BRWD1: variants seen among roughly 807,000 people sequenced by gnomAD.
BRWD1 encodes bromodomain and WD repeat domain containing 1, also known as bromodomain and WD repeat-containing protein 1.
Under a neutral mutation model 251.2 loss-of-function variants are expected in BRWD1, and 82 were observed. The ratio of observed to expected loss-of-function variants is 0.33; its 90% CI spans 0.27 to 0.39. The LOEUF (loss-of-function observed/expected upper bound fraction) is 0.39. BRWD1 is among the 10% of genes least tolerant of loss of function. The pLI is 1.00. For missense variants in BRWD1, 2,233 were observed against 2,711.6 expected (o/e 0.82, Z 3.92); for synonymous variants, 918 against 902.8 (o/e 1.02, Z -0.30).
chr21:39,288,599 G>GT (rs1483624514), intron 8 of BRWD1, among the ~76,000 whole-genome samples: 1 of 152,162 alleles, frequency 6.6e-6, no homozygotes, highest in Non-Finnish European at 1.5e-5. Flanking sequence ...AAATCCACAC[G>GT]TAACTTCTGA....
At position 39,196,815 on chromosome 21, in the gene BRWD1, AAAT is replaced by A. The variant is rs1486008236; in HGVS notation, c.6251_6253del (p.Asn2084_Phe2085delinsIle). 1.2e-6 allele frequency: 2 copies of A among 1,613,458 alleles called. No individual in the cohort carries two copies. The highest frequency in any genetic ancestry group is 4.5e-5 in the East Asian group (2 of 44,876). On this transcript the variant is annotated inframe_deletion, in exon 41 of 41. Transcript: ENST00000342449. ...CAGCCCATAATTCAGTTCCACTTCA[AAAT>A]TATTCTCTGCAGTAGCTTTTTGTGC...
At chr21:39,310,394 T>G (rs2036440493) in intron 4 of BRWD1, among the ~76,000 whole-genome samples, 1 of 150,018 alleles carries the variant, frequency 6.7e-6, no homozygotes. Context: ...ATCCCAGCAC[T>G]TTGGGACACA....
chr21:39,241,360 T>G (rs2146581045), intron 21 of BRWD1, among the ~76,000 whole-genome samples: 1 of 150,224 alleles, frequency 6.7e-6, no homozygotes, highest in East Asian at 2.0e-4. Context: ...CCCTGCTACT[T>G]GGGAGGCTGA....
Position 39,197,180 on chromosome 21 carries a change from T to C in BRWD1, c.5889A>G (p.Lys1963=), listed in dbSNP as rs893026173. 3 of 1,613,882 alleles carry C rather than the reference T, an allele frequency of 1.9e-6. No homozygotes were observed. Among genetic ancestry groups the C allele is most frequent in the Non-Finnish European group, 2.5e-6 (3 of 1,179,914 alleles). The stretch of plus-strand genomic sequence containing the variant: ...CTGTAGTACAAGCAAGATGGAGAGG[T>C]TTTTTCCTTCCATTTTTGCTTCTAG... The part of the protein sequence containing the change: ...VHTRSKNGRK[K]PLHLACTTAK... The change falls in exon 41 of 41, where the codon AAA becomes AAG. Residue 1963 remains lysine, a synonymous_variant. Transcript: ENST00000342449.
intron 19 of BRWD1, among the ~76,000 whole-genome samples, chr21:39,252,690 C>T (rs2034434934): frequency 6.6e-6 from 1 of 152,172 alleles, no homozygotes; most frequent in Non-Finnish European, 1.5e-5. Context: ...AGCTAGCTGC[C>T]GTTCTCCTTT....
intron 36 of BRWD1, among the ~76,000 whole-genome samples, chr21:39,209,628 T>C (rs1172540140): frequency 6.6e-6 from 1 of 152,186 alleles, no homozygotes; most frequent in South Asian, 2.1e-4. Context: ...TTACTTTTAA[T>C]ATTCTTACAG....
At chr21:39,236,893 G>C in intron 22 of BRWD1, 109 bp from the exon 23 acceptor site, 28 of 931,130 alleles carry the variant, frequency 3.0e-5, no homozygotes, top group Non-Finnish European at 4.5e-5. Flanking sequence ...GGGAAGGGAA[G>C]ATACCAGAAA....
At chr21:39,215,409 G>C (rs746306248) in intron 31 of BRWD1, 47 bp from the exon 32 acceptor site, 6 of 1,528,822 alleles carry the variant, frequency 3.9e-6, no homozygotes, top group African/African-American at 1.4e-5. Context: ...TGAGAAGATA[G>C]AAACCAAGTG....
At chr21:39,316,472 G>T (rs2036699674), upstream of BRWD1, among the ~76,000 whole-genome samples, 1 of 152,186 alleles carries the variant, frequency 6.6e-6, no homozygotes. Flanking sequence ...CAAGAGGGGA[G>T]AATTTAAACT....
intron 4 of BRWD1, among the ~76,000 whole-genome samples, chr21:39,304,446 A>C (rs2036220545): frequency 6.6e-6 from 1 of 151,612 alleles, no homozygotes; most frequent in African/African-American, 2.4e-5. Flanking sequence ...CAGTCTCTAG[A>C]AAAAAAAATT....
intron 13 of BRWD1, among the ~76,000 whole-genome samples, chr21:39,270,866 CAG>C (rs2035075174): frequency 6.6e-6 from 1 of 152,220 alleles, no homozygotes; most frequent in African/African-American, 2.4e-5. Flanking sequence ...AACTGACACA[CAG>C]ATGTTCAATC....
chr21:39,204,497 A>G (rs997149745), intron 37 of BRWD1, among the ~76,000 whole-genome samples: 2 of 152,220 alleles, frequency 1.3e-5, no homozygotes, highest in African/African-American at 2.4e-5. Flanking sequence ...AATTACTGAG[A>G]AAGTTAATAA....
chr21:39,199,037 A>G lies in BRWD1; in HGVS notation c.5379T>C (p.Ser1793=), dbSNP rs117580155. 169 of 1,614,154 alleles carry G rather than the reference A, an allele frequency of 1.0e-4. 2 individuals carry two copies. In the East Asian group the frequency reaches 3.4e-3, roughly 33 times the overall value. ...KAESISEEAD[S]EPGRSGGRKY... is the part of the protein sequence containing the mutation. ...TCCTACCACCAGATCTTCCTGGTTCAGAATCTGCTTCCTCTGAGATGCTCT... is the reference window on the plus strand; with the variant it reads ...TCCTACCACCAGATCTTCCTGGTTCGGAATCTGCTTCCTCTGAGATGCTCT... Residue 1793 remains serine, a synonymous_variant, in exon 40 of 41, where the codon TCT becomes TCC. Coordinates refer to ENST00000342449, the MANE Select transcript of BRWD1 (RefSeq NM_033656.4).
intron 4 of BRWD1, among the ~76,000 whole-genome samples, chr21:39,306,401 G>T (rs920134023): frequency 6.6e-6 from 1 of 152,068 alleles, no homozygotes; most frequent in African/African-American, 2.4e-5. Flanking sequence ...CCTGCATTGG[G>T]CCTGTCAAAT....
rs745589426 is a variant in BRWD1 at position 39,187,340 on chromosome 21, GCATCTGCACTGCATC to G, written c.*8904_*8918del. On this transcript the variant is annotated 3_prime_UTR_variant, in exon 41 of 41. Coordinates refer to ENST00000342449, the MANE Select transcript of BRWD1 (RefSeq NM_033656.4). ...ATTTTTGCTTTCAGAGTTTCACTAG[GCATCTGCACTGCATC>G]CTTCTGATTATGCATACATGTTCTC... The G allele has an allele frequency of 1.2e-5, 19 of 1,613,752 alleles. No individual in the cohort carries two copies. In the East Asian group the frequency reaches 4.0e-4, roughly 34 times the overall value.
In BRWD1 at chr21:39,313,601, C is replaced by T; in HGVS notation, c.-110G>A. ...TCTTCTCAGGCGCGCGCCGCCGCCGCCGCCGCCGCCGCCATACCGTGCGCG... is the reference window on the plus strand; with the variant it reads ...TCTTCTCAGGCGCGCGCCGCCGCCGTCGCCGCCGCCGCCATACCGTGCGCG... On this transcript the variant is annotated 5_prime_UTR_variant, in exon 1 of 41. Transcript: ENST00000342449. 1 of 860,688 alleles carries T rather than the reference C, an allele frequency of 1.2e-6. No homozygotes were observed. The highest frequency in any genetic ancestry group is 1.5e-6 in the Non-Finnish European group (1 of 652,198). 53.3% of individuals were successfully genotyped at this position (860,688 alleles called of 1,614,324 possible).
Position 39,224,389 on chromosome 21 carries a change from A to G in BRWD1, c.3382+19T>C, listed in dbSNP as rs2033300405. 6.8e-7 allele frequency: 1 copy of G among 1,470,054 alleles called. No homozygotes were observed. Among genetic ancestry groups the G allele is most frequent in the Non-Finnish European group, 9.3e-7 (1 of 1,075,386 alleles). The allele number at this position is 1,470,054 out of a possible 1,614,324, so 91.1% of individuals were successfully genotyped here. On this transcript the variant is annotated intron_variant, in intron 29 of 40. Transcript: ENST00000342449. ...ATTATAAAAATAAAATGTTTTCATT[A>G]TTTAACAAATATATATACCATTATC...
Position 39,192,682 on chromosome 21 carries a change from G to A in BRWD1, c.*3577C>T. ...GGAGCTGGTTATTTCAGCTTTAAAA[G>A]GGCAAAGCAAAAAGACCATTTTCTA... On this transcript the variant is annotated 3_prime_UTR_variant, in exon 41 of 41. Coordinates refer to ENST00000342449, the MANE Select transcript of BRWD1 (RefSeq NM_033656.4). 1 of 985,034 alleles carries A rather than the reference G, an allele frequency of 1.0e-6. No individual in the cohort carries two copies. Among genetic ancestry groups the A allele is most frequent in the Non-Finnish European group, 1.2e-6 (1 of 829,724 alleles). 61.0% of individuals were successfully genotyped at this position (985,034 alleles called of 1,614,324 possible).
rs2035390172 is a variant in BRWD1 at position 39,279,648 on chromosome 21, A to G, written c.932+500T>C. 2.1e-5 allele frequency among the ~76,000 whole-genome samples: 3 copies of G among 142,000 alleles called. No individual in the cohort carries two copies. In the South Asian group the frequency reaches 6.6e-4, roughly 31 times the overall value. 93.2% of individuals were successfully genotyped at this position (142,000 alleles called of 152,430 possible). A position where few individuals can be genotyped will look rare whatever the true frequency, so the allele number is the denominator to read the frequency against. On this transcript the variant is annotated intron_variant, in intron 9 of 40. Coordinates refer to ENST00000342449, the MANE Select transcript of BRWD1 (RefSeq NM_033656.4). ...AGTGAGACTCCATCTCAAAAAAAAA[A>G]AAAAAAAAGAAAAAAAAAAAGAAAA...
Sources: allele counts gnomAD v4.1 joint callset (sites outside exome capture counted in the v4.1 genomes callset), GRCh38; gene constraint gnomAD v4.1.1; transcripts MANE v1.5; gene names NCBI Gene and HGNC (gene_info 2026-07-23, HGNC 2026-07-21).